TNIP3: variants seen among roughly 807,000 people sequenced by gnomAD.
TNIP3 encodes TNFAIP3-interacting protein 3.
A neutral mutation model predicts 54.1 loss-of-function variants in TNIP3; 34 were observed. The observed-to-expected ratio is 0.63, with a 90% CI of 0.48 to 0.84. The LOEUF is 0.84. Among genes scored for constraint, TNIP3 ranks in the 40% least tolerant of loss-of-function variants. The pLI, the probability that TNIP3 is intolerant of heterozygous loss-of-function variation, is 0.00. For synonymous variants in TNIP3, 134 were observed against 136.8 expected (o/e 0.98, Z 0.14); for missense variants, 366 against 387.6 (o/e 0.94, Z 0.47).
intron 8 of TNIP3, 22 bp downstream of exon 8, chr4:121,142,704 C>A (rs147231005): frequency 6.3e-7 from 1 of 1,594,280 alleles, no homozygotes; most frequent in Non-Finnish European, 8.6e-7. Flanking sequence ...TAAATGTATG[C>A]GTGAAAATTA....
chr4:121,132,764 A>G, intron 10 of TNIP3, 102 bp from the exon 11 acceptor site: 1 of 1,011,958 alleles, frequency 9.9e-7, no homozygotes, highest in Non-Finnish European at 1.5e-6. Context: ...GCAAAAAAAA[A>G]AAAAAGTTAT....
intron 3 of TNIP3, among the ~76,000 whole-genome samples, chr4:121,171,659 G>A (rs1723950482): frequency 6.6e-6 from 1 of 152,128 alleles, no homozygotes; most frequent in South Asian, 2.1e-4. Flanking sequence ...AATGATTCAG[G>A]CAAAAAGAGT....
chr4:121,209,196 T>A (rs1428738153), intron 2 of TNIP3, among the ~76,000 whole-genome samples: 2 of 152,242 alleles, frequency 1.3e-5, no homozygotes, highest in Non-Finnish European at 2.9e-5. Flanking sequence ...ATTCTTTTCA[T>A]CTGGCTGTTC....
chr4:121,138,264 A>C (rs1477304995), intron 10 of TNIP3, among the ~76,000 whole-genome samples: 1 of 152,060 alleles, frequency 6.6e-6, no homozygotes, highest in Non-Finnish European at 1.5e-5. Context: ...TGTCTAGCAA[A>C]CTCAACCTGG....
Position 121,170,934 on chromosome 4 carries a change from G to A in TNIP3, c.190-6788C>T, listed in dbSNP as rs908172979. 5.9e-5 allele frequency among the ~76,000 whole-genome samples: 9 copies of A among 152,004 alleles called. No individual in the cohort carries two copies. The South Asian group carries it at 1.0e-3, about 18-fold the overall frequency. ...GGGTTCAAGAAATTCTCCTGCCTTC[G>A]CCTCCCGAGTAGCTGGGATTACAGG... On this transcript the variant is annotated intron_variant, in intron 3 of 12. Coordinates refer to the TNIP3 transcript ENST00000507879.
chr4:121,170,719 T>A (rs1419123496), intron 3 of TNIP3, among the ~76,000 whole-genome samples: 1 of 152,166 alleles, frequency 6.6e-6, no homozygotes, highest in Non-Finnish European at 1.5e-5. Context: ...CTTTCTAAGA[T>A]CTTATAAGTT....
chr4:121,221,791 G>T (rs1243699045), intron 1 of TNIP3, among the ~76,000 whole-genome samples: 1 of 152,148 alleles, frequency 6.6e-6, no homozygotes, highest in African/African-American at 2.4e-5. Flanking sequence ...TCTGAGAAAG[G>T]TGTCAAATCA....
chr4:121,155,318 G>A (rs76246873), intron 4 of TNIP3, among the ~76,000 whole-genome samples: 3,331 of 152,160 alleles, frequency 0.022, 78 homozygotes, highest in Admixed American at 0.036. Context: ...TGATGGATAA[G>A]TGATTAAGAA....
At chr4:121,149,567 C>T (rs1400670558) in intron 6 of TNIP3, among the ~76,000 whole-genome samples, 1 of 152,150 alleles carries the variant, frequency 6.6e-6, no homozygotes, top group African/African-American at 2.4e-5. Flanking sequence ...AAGTTTGAGA[C>T]CAGCCTGGAC....
chr4:121,140,851 T>C (rs1729076217), intron 9 of TNIP3, among the ~76,000 whole-genome samples: 1 of 152,208 alleles, frequency 6.6e-6, no homozygotes. Flanking sequence ...CGGTGTGCTG[T>C]GTCATACCAG....
upstream of TNIP3, chr4:121,164,470 G>A: frequency 2.0e-6 from 1 of 493,372 alleles, no homozygotes; most frequent in Non-Finnish European, 2.7e-6. Flanking sequence ...TCCTTTACTG[G>A]CAGTTTCTCC....
intron 2 of TNIP3, among the ~76,000 whole-genome samples, chr4:121,183,735 T>C (rs1200235983): frequency 2.0e-5 from 3 of 152,022 alleles, no homozygotes; most frequent in Non-Finnish European, 4.4e-5. Context: ...AGAACATTAT[T>C]GTGAACTGCA....
At chr4:121,208,182 T>G (rs1309125964) in intron 2 of TNIP3, among the ~76,000 whole-genome samples, 1 of 152,154 alleles carries the variant, frequency 6.6e-6, no homozygotes, top group Non-Finnish European at 1.5e-5. Flanking sequence ...ATAAACCCCC[T>G]TCTACCTGGG....
intron 5 of TNIP3, among the ~76,000 whole-genome samples, chr4:121,152,636 C>T (rs1729829369): frequency 6.6e-6 from 1 of 152,118 alleles, no homozygotes; most frequent in Non-Finnish European, 1.5e-5. Context: ...CAAGATAAAG[C>T]AGTGAACAAA....
At chr4:121,210,542 C>A (rs1368518859) in intron 2 of TNIP3, among the ~76,000 whole-genome samples, 1 of 152,118 alleles carries the variant, frequency 6.6e-6, no homozygotes, top group Non-Finnish European at 1.5e-5. Context: ...CTTGAGTTGC[C>A]ATAAGGAAAC....
intron 10 of TNIP3, among the ~76,000 whole-genome samples, 164 bp from the exon 11 acceptor site, chr4:121,132,826 A>G (rs1481416980): frequency 6.6e-6 from 1 of 151,580 alleles, no homozygotes; most frequent in Non-Finnish European, 1.5e-5. Context: ...AAGAAGCGGG[A>G]GATGGAGGGT....
chr4:121,160,967 A>G (rs1412949841), intron 2 of TNIP3, among the ~76,000 whole-genome samples, 169 bp downstream of exon 2: 2 of 152,220 alleles, frequency 1.3e-5, no homozygotes, highest in African/African-American at 4.8e-5. Flanking sequence ...TATGAAACAT[A>G]CAGGTGAATA....
At chr4:121,206,468 A>G (rs1405058989) in intron 2 of TNIP3, among the ~76,000 whole-genome samples, 1 of 152,172 alleles carries the variant, frequency 6.6e-6, no homozygotes, top group African/African-American at 2.4e-5. Context: ...GAATTTTATC[A>G]TAAATTTATT....
At chr4:121,136,569 G>A (rs930810387) in intron 10 of TNIP3, 10 of 152,090 alleles carry the variant, frequency 6.6e-5, no homozygotes, top group African/African-American at 2.4e-4. Flanking sequence ...AACAGGCCGG[G>A]TGTAGTGGCT....
Sources: gnomAD v4.1 joint callset for allele counts (sites outside exome capture counted in the v4.1 genomes callset) on GRCh38, gnomAD v4.1.1 for gene constraint, MANE v1.5 for transcripts, NCBI Gene and HGNC (gene_info 2026-07-23, HGNC 2026-07-21) for gene names.